Variants in WDFY1 observed in about 807,000 individuals in gnomAD.
WDFY1 encodes WD repeat and FYVE domain containing 1, also known as WD repeat and FYVE domain-containing protein 1.
Under a neutral mutation model 56.4 loss-of-function variants are expected in WDFY1, and 32 were observed. That is an observed-to-expected ratio of 0.57 (90% CI 0.43 to 0.76). The LOEUF (loss-of-function observed/expected upper bound fraction) is 0.76, where lower values mean the gene tolerates loss of function less well. WDFY1 is among the 30% of genes least tolerant of loss of function. The probability of loss-of-function intolerance (pLI) is 0.00; values close to 1 mark genes in which losing one functional copy is unlikely to be tolerated. For missense variants in WDFY1, 480 were observed against 545.7 expected, an observed-to-expected ratio of 0.88 and a Z score of 1.20; for synonymous variants, 192 against 197.3, an observed-to-expected ratio of 0.97 and a Z score of 0.23.
intron 2 of WDFY1, among the ~76,000 whole-genome samples, chr2:223,915,028 T>C (rs1430183196): frequency 6.6e-6 from 1 of 152,242 alleles, no homozygotes; most frequent in Non-Finnish European, 1.5e-5. Flanking sequence ...TGCGGATAGC[T>C]TTTAGAACTA....
chr2:223,936,111 G>A (rs1008130425), intron 1 of WDFY1, among the ~76,000 whole-genome samples: 5 of 148,362 alleles, frequency 3.4e-5, no homozygotes. Flanking sequence ...GCCCAAGCTG[G>A]AGGGCAGCAG....
At chr2:223,897,390 A>ATATATATTT (rs1461451983) in intron 6 of WDFY1, among the ~76,000 whole-genome samples, 3 of 125,994 alleles carry the variant, frequency 2.4e-5, no homozygotes, top group South Asian at 2.5e-4. Flanking sequence ...ATATATATAT[A>ATATATATTT]TTTTTTAAGA....
rs114823729 is a variant in WDFY1, at chr2:223,887,554, G to A, written c.832-2805C>T. Among the ~76,000 whole-genome samples the A allele has an allele frequency of 8.3e-3, 1,264 of 152,306 alleles. 21 individuals carry two copies. Among genetic ancestry groups the A allele is most frequent in the African/African-American group, 0.029 (1,218 of 41,574 alleles). The stretch of plus-strand genomic sequence containing the variant: ...ATTAAGTGTAAAAAAGACCTGACTT[G>A]CAAACTTGCCCATTATTGCTCAGTG... On this transcript the variant is annotated intron_variant, in intron 8 of 11. Coordinates refer to ENST00000233055, the MANE Select transcript of WDFY1 (RefSeq NM_020830.5).
chr2:223,896,605 T>G (rs1693385312), intron 6 of WDFY1, among the ~76,000 whole-genome samples: 1 of 152,228 alleles, frequency 6.6e-6, no homozygotes, highest in African/African-American at 2.4e-5. Context: ...CATCGACTGC[T>G]GTTTGTCTAG....
At chr2:223,916,789 T>C (rs1026280219) in intron 2 of WDFY1, among the ~76,000 whole-genome samples, 5 of 151,640 alleles carry the variant, frequency 3.3e-5, no homozygotes, top group African/African-American at 1.2e-4. Context: ...TTATGTGTCA[T>C]CTTATGTTGG....
chr2:223,907,257 A>T (rs1295871776), intron 3 of WDFY1, among the ~76,000 whole-genome samples: 3 of 152,090 alleles, frequency 2.0e-5, no homozygotes, highest in Non-Finnish European at 4.4e-5. Context: ...GATTACAGGC[A>T]TGAGCCACCG....
At chr2:223,929,189 G>GTTTTT (rs566936287) in intron 1 of WDFY1, among the ~76,000 whole-genome samples, 1 of 28,920 alleles carries the variant, frequency 3.5e-5, no homozygotes, top group African/African-American at 5.9e-5. Context: ...TCTGTTTTTT[G>GTTTTT]TTTTTTTTTT....
intron 1 of WDFY1, 50 bp from the exon 2 acceptor site, chr2:223,918,060 T>G: frequency 6.3e-7 from 1 of 1,587,274 alleles, no homozygotes; most frequent in South Asian, 1.2e-5. Context: ...TAATTTTATC[T>G]TTTGTGTTCC....
At chr2:223,884,614 T>C in intron 9 of WDFY1, 34 bp downstream of exon 9, 6 of 1,600,324 alleles carry the variant, frequency 3.7e-6, no homozygotes, top group Non-Finnish European at 5.1e-6. Flanking sequence ...AAATACACAA[T>C]CAAGCCAGAG....
intron 1 of WDFY1, among the ~76,000 whole-genome samples, chr2:223,923,086 G>A (rs1368499560): frequency 4.6e-5 from 7 of 152,182 alleles, no homozygotes; most frequent in Admixed American, 1.3e-4. Flanking sequence ...TGGGAATCAG[G>A]TTCCAAATGA....
intron 7 of WDFY1, 112 bp downstream of exon 7, chr2:223,895,392 A>T: frequency 6.6e-7 from 1 of 1,510,216 alleles, no homozygotes; most frequent in Middle Eastern, 2.3e-4. Context: ...ATCAATGATA[A>T]TTGCCATCTT....
At chr2:223,901,371 A>G in intron 4 of WDFY1, 38 bp from the exon 5 acceptor site, 3 of 1,611,492 alleles carry the variant, frequency 1.9e-6, no homozygotes, top group East Asian at 2.2e-5. Context: ...TCATCTCCAG[A>G]AACAGCACTC....
At chr2:223,930,260 C>T (rs1694052752) in intron 1 of WDFY1, among the ~76,000 whole-genome samples, 1 of 152,208 alleles carries the variant, frequency 6.6e-6, no homozygotes, top group Non-Finnish European at 1.5e-5. Flanking sequence ...TTTACTCCTC[C>T]CTGCATCCAC....
chr2:223,943,319 C>T lies in WDFY1; in HGVS notation c.137+1829G>A, dbSNP rs1429055878. 4.6e-5 allele frequency among the ~76,000 whole-genome samples: 7 copies of T among 152,170 alleles called. No homozygotes were observed. In the East Asian group the frequency reaches 1.3e-3, roughly 29 times the overall value. On this transcript the variant is annotated intron_variant, in intron 1 of 11. Coordinates refer to ENST00000233055, the MANE Select transcript of WDFY1 (RefSeq NM_020830.5). ...CACAGCCAGGTCCTGCCAATCACTC[C>T]CCTCCTTGTTGGAAGTCAGCTACAG...
At chr2:223,893,334 C>G (rs1228298997) in intron 8 of WDFY1, among the ~76,000 whole-genome samples, 1 of 145,734 alleles carries the variant, frequency 6.9e-6, no homozygotes, top group African/African-American at 2.6e-5. Context: ...CTAGACGATA[C>G]AGCAAGACCC....
intron 1 of WDFY1, among the ~76,000 whole-genome samples, chr2:223,933,346 ATTT>A (rs35417214): frequency 0.019 from 2,802 of 146,858 alleles, 36 homozygotes; most frequent in African/African-American, 0.038. Context: ...AAACCTGCAG[ATTT>A]TTTTTTTTTT....
intron 4 of WDFY1, among the ~76,000 whole-genome samples, chr2:223,904,476 C>G (rs941770266): frequency 6.6e-6 from 1 of 152,202 alleles, no homozygotes; most frequent in Non-Finnish European, 1.5e-5. Flanking sequence ...TGGCCTCAAA[C>G]TCCTGACCTC....
At chr2:223,884,565 G>T in intron 9 of WDFY1, 83 bp downstream of exon 9, 1 of 1,308,636 alleles carries the variant, frequency 7.6e-7, no homozygotes, top group Non-Finnish European at 1.1e-6. Flanking sequence ...AAAACAAAGT[G>T]TGTTTCAAAA....
intron 9 of WDFY1, among the ~76,000 whole-genome samples, chr2:223,882,733 T>A (rs1316854970): frequency 2.6e-5 from 4 of 152,158 alleles, no homozygotes; most frequent in African/African-American, 9.7e-5. Context: ...ATTATTATTT[T>A]TTTTTTCAGA....
Sources: allele counts gnomAD v4.1 joint callset (sites outside exome capture counted in the v4.1 genomes callset), GRCh38; gene constraint gnomAD v4.1.1; transcripts MANE v1.5; gene names NCBI Gene and HGNC (gene_info 2026-07-23, HGNC 2026-07-21).